COPS5: variants seen among roughly 807,000 people sequenced by gnomAD.
COPS5 encodes COP9 signalosome subunit 5, also known as COP9 signalosome complex subunit 5.
COPS5 carries 8 observed loss-of-function variants against 44.4 expected under a neutral mutation model. The observed-to-expected ratio is 0.18, with a 90% CI of 0.11 to 0.32. COPS5 has a LOEUF of 0.32. Ranked by LOEUF, COPS5 falls within the 10% of genes least tolerant of loss-of-function variation. COPS5 has a pLI of 1.00. For synonymous variants in COPS5, 122 were observed against 142.8 expected (o/e 0.85, Z 1.04); for missense variants, 159 against 406.4 (o/e 0.39, Z 5.23).
chr8:67,053,215 G>A (rs558799616), intron 5 of COPS5, among the ~76,000 whole-genome samples: 18 of 151,820 alleles, frequency 1.2e-4, no homozygotes, highest in South Asian at 2.1e-4. Context: ...ATAGCCTCCC[G>A]AGTAGCTGGG....
At chr8:67,054,262 G>A (rs1000961241) in intron 5 of COPS5, among the ~76,000 whole-genome samples, 5 of 152,102 alleles carry the variant, frequency 3.3e-5, no homozygotes, top group African/African-American at 9.6e-5. Flanking sequence ...GTTTGAATAC[G>A]GAAAACATAA....
chr8:67,061,533 C>A, intron 1 of COPS5: 1 of 437,544 alleles, frequency 2.3e-6, no homozygotes, highest in Admixed American at 3.1e-5. Context: ...TAGTTGAAGA[C>A]CCAAACAAGG....
intron 3 of COPS5, among the ~76,000 whole-genome samples, 169 bp downstream of exon 3, chr8:67,057,914 T>G (rs560853064): frequency 1.3e-5 from 2 of 152,342 alleles, no homozygotes; most frequent in South Asian, 4.1e-4. Context: ...ACACAGTGGT[T>G]AAATAATTTG....
At position 67,059,318 on chromosome 8, in the gene COPS5, T is replaced by C. The variant is rs756985013; in HGVS notation, c.271A>G (p.Ile91Val). Reference protein sequence around the residue: ...MLGKVDGETMIIMDSFALPVE... With the variant: ...MLGKVDGETMVIMDSFALPVE... ...GGCAAAGCAAAACTGTCCATAATGA[T>C]CATGGTTTCACCATCCACCTTTCCT... Residue 91 changes from isoleucine (I) to valine (V), a missense_variant, in exon 2 of 8, where the codon ATC (isoleucine) becomes GTC (valine). Coordinates refer to ENST00000357849, the MANE Select transcript of COPS5 (RefSeq NM_006837.3). 1 of 1,614,214 alleles carries C rather than the reference T, an allele frequency of 6.2e-7. No homozygotes were observed. Among genetic ancestry groups the C allele is most frequent in the South Asian group, 1.1e-5 (1 of 91,088 alleles).
At chr8:67,048,579 G>A (rs1390185676) in intron 6 of COPS5, among the ~76,000 whole-genome samples, 1 of 151,840 alleles carries the variant, frequency 6.6e-6, no homozygotes, top group African/African-American at 2.4e-5. Context: ...AGCCGGGCGT[G>A]GTGGCACGCA....
chr8:67,056,572 C>T lies in COPS5; in HGVS notation c.606G>A (p.Glu202=). The T allele has an allele frequency of 6.9e-7, 1 of 1,456,190 alleles. No individual in the cohort carries two copies. Among genetic ancestry groups the T allele is most frequent in the Non-Finnish European group, 9.2e-7 (1 of 1,087,258 alleles). 90.2% of individuals were successfully genotyped at this position (1,456,190 alleles called of 1,614,324 possible). A position where few individuals can be genotyped will look rare whatever the true frequency, so the allele number is the denominator to read the frequency against. Residue 202 remains glutamate, a synonymous_variant, in exon 5 of 8, where the codon GAG becomes GAA. Coordinates refer to ENST00000357849, the MANE Select transcript of COPS5 (RefSeq NM_006837.3). ...TTTTATTAAGTGGAATAGTCTGGTA[C>T]TCAGAAGGTCCTTCATCAGGAGGTT... ...GYKPPDEGPS[E]YQTIPLNKIE... is the part of the protein sequence containing the mutation.
chr8:67,060,369 A>C, intron 1 of COPS5: 1 of 1,218,136 alleles, frequency 8.2e-7, no homozygotes, highest in Non-Finnish European at 1.0e-6. Flanking sequence ...CAAGCAACTT[A>C]AGCAGCCTTA....
In COPS5 at chr8:67,062,056, GT is replaced by G; in HGVS notation, c.-61del. 6.2e-7 allele frequency: 1 copy of G among 1,611,594 alleles called. No homozygotes were observed. Among genetic ancestry groups the G allele is most frequent in the South Asian group, 1.1e-5 (1 of 90,900 alleles). On this transcript the variant is annotated 5_prime_UTR_variant, in exon 1 of 8. Coordinates refer to ENST00000357849, the MANE Select transcript of COPS5 (RefSeq NM_006837.3). The stretch of plus-strand genomic sequence containing the variant: ...CCAAGACGCAACTTTACCTCGCTAG[GT>G]TTCCGGGTGTGGGCCTTGACCCTCC...
At chr8:67,059,153 A>G in intron 2 of COPS5, 58 bp downstream of exon 2, 1 of 1,266,888 alleles carries the variant, frequency 7.9e-7, no homozygotes, top group Non-Finnish European at 1.1e-6. Context: ...TAGAAACTCA[A>G]AAGTCACCTT....
intron 1 of COPS5, chr8:67,061,461 T>C: frequency 2.3e-6 from 1 of 440,052 alleles, no homozygotes; most frequent in South Asian, 1.7e-5. Flanking sequence ...CTCATAGCTA[T>C]TTTTGAGACC....
intron 6 of COPS5, 131 bp from the exon 7 acceptor site, chr8:67,046,091 G>T: frequency 1.1e-6 from 1 of 901,740 alleles, no homozygotes; most frequent in Non-Finnish European, 1.6e-6. Context: ...AAATCTGAGT[G>T]AATAGTCAGT....
intron 3 of COPS5, 104 bp downstream of exon 3, chr8:67,057,979 A>C: frequency 8.1e-7 from 1 of 1,228,824 alleles, no homozygotes; most frequent in Admixed American, 1.9e-5. Context: ...AGGCAGACTG[A>C]TACCAGAGCA....
intron 5 of COPS5, among the ~76,000 whole-genome samples, chr8:67,053,863 G>A (rs1188005968): frequency 1.3e-5 from 2 of 150,830 alleles, no homozygotes; most frequent in Admixed American, 6.6e-5. Flanking sequence ...AAAATTAGTC[G>A]AGCATGATGG....
At chr8:67,061,821 C>T (rs1158169170) in intron 1 of COPS5, 33 bp downstream of exon 1, 1 of 1,611,224 alleles carries the variant, frequency 6.2e-7, no homozygotes, top group Non-Finnish European at 8.5e-7. Context: ...GCCACCCTTT[C>T]CCTCCCCTGC....
chr8:67,046,848 A>C (rs867591148), intron 6 of COPS5, among the ~76,000 whole-genome samples: 33 of 149,206 alleles, frequency 2.2e-4, no homozygotes, highest in African/African-American at 5.9e-4. Context: ...AAAAAAAAAA[A>C]CAAACACTTT....
At position 67,045,973 on chromosome 8, in the gene COPS5, TG is replaced by T; in HGVS notation, c.772-14del. ...TATAGTCTGCATTCTGTGGGGAAAG[TG>T]GTATTGTGTCACTGCAAAACACAAG... On this transcript the variant is annotated splice_polypyrimidine_tract_variant and intron_variant, in intron 6 of 7. Coordinates refer to ENST00000357849, the MANE Select transcript of COPS5 (RefSeq NM_006837.3). 6.2e-7 allele frequency: 1 copy of T among 1,610,330 alleles called. No homozygotes were observed. The highest frequency in any genetic ancestry group is 8.5e-7 in the Non-Finnish European group (1 of 1,177,706).
At chr8:67,058,968 C>T (rs1804548929) in intron 2 of COPS5, among the ~76,000 whole-genome samples, 1 of 150,752 alleles carries the variant, frequency 6.6e-6, no homozygotes, top group Non-Finnish European at 1.5e-5. Flanking sequence ...CACGCCACTG[C>T]ACTCCAGCCT....
In COPS5 at chr8:67,062,041, A is replaced by G; in HGVS notation, c.-45T>C. Reference sequence around the variant, plus strand: ...TTGTCGTCTCTACAACCAAGACGCAACTTTACCTCGCTAGGTTTCCGGGTG... The same window carrying G: ...TTGTCGTCTCTACAACCAAGACGCAGCTTTACCTCGCTAGGTTTCCGGGTG... On this transcript the variant is annotated 5_prime_UTR_variant, in exon 1 of 8. Transcript: ENST00000357849. 6.2e-7 allele frequency: 1 copy of G among 1,613,624 alleles called. No individual in the cohort carries two copies. Among genetic ancestry groups the G allele is most frequent in the Non-Finnish European group, 8.5e-7 (1 of 1,179,898 alleles).
At chr8:67,055,589 C>T (rs549272444) in intron 5 of COPS5, among the ~76,000 whole-genome samples, 5 of 152,020 alleles carry the variant, frequency 3.3e-5, no homozygotes, top group African/African-American at 7.2e-5. Flanking sequence ...GTACGTAGGC[C>T]GGGCACAGTG....
Sources: allele counts gnomAD v4.1 joint callset (sites outside exome capture counted in the v4.1 genomes callset), GRCh38; gene constraint gnomAD v4.1.1; transcripts MANE v1.5; gene names NCBI Gene and HGNC (gene_info 2026-07-23, HGNC 2026-07-21).